The following MAGI3 variants were observed in gnomAD, a reference collection of about 807,000 sequenced individuals.
The protein encoded by MAGI3 is membrane associated guanylate kinase, WW and PDZ domain containing 3, also known as membrane-associated guanylate kinase, WW and PDZ domain-containing protein 3.
In MAGI3, 43 loss-of-function variants were observed where a neutral mutation model predicts 121.8. The observed-to-expected ratio is 0.35, with a 90% CI of 0.28 to 0.46. The LOEUF (loss-of-function observed/expected upper bound fraction) is 0.46, where lower values mean the gene tolerates loss of function less well. Ranked by LOEUF, MAGI3 falls within the 20% of genes least tolerant of loss-of-function variation. The pLI, the probability that MAGI3 is intolerant of heterozygous loss-of-function variation, is 1.00. For synonymous variants in MAGI3, 553 were observed against 639.3 expected, an observed-to-expected ratio of 0.86 and a Z score of 2.04; for missense variants, 1,547 against 1,797.3, an observed-to-expected ratio of 0.86 and a Z score of 2.52.
intron 1 of MAGI3, among the ~76,000 whole-genome samples, chr1:113,446,453 G>A (rs1004837767): frequency 9.2e-5 from 14 of 152,132 alleles, no homozygotes; most frequent in African/African-American, 3.4e-4. Context: ...TACAAAGAAG[G>A]CAGTAATGCA....
intron 1 of MAGI3, among the ~76,000 whole-genome samples, chr1:113,393,875 C>T (rs1377189181): frequency 2.6e-5 from 4 of 152,208 alleles, no homozygotes; most frequent in African/African-American, 9.6e-5. Context: ...TTAGCACTCT[C>T]TTGTCTTGAC....
At chr1:113,617,334 G>A (rs1650537491) in intron 7 of MAGI3, among the ~76,000 whole-genome samples, 1 of 152,102 alleles carries the variant, frequency 6.6e-6, no homozygotes, top group African/African-American at 2.4e-5. Context: ...CTGATAATCT[G>A]TAATATTCTC....
At chr1:113,438,321 T>G (rs777191004) in intron 1 of MAGI3, among the ~76,000 whole-genome samples, 4 of 152,188 alleles carry the variant, frequency 2.6e-5, no homozygotes, top group African/African-American at 4.8e-5. Flanking sequence ...TGCCTGAAAC[T>G]GGGCATAATA....
chr1:113,625,213 T>C (rs1279753515), intron 9 of MAGI3, among the ~76,000 whole-genome samples: 2 of 152,202 alleles, frequency 1.3e-5, no homozygotes, highest in Admixed American at 6.5e-5. Context: ...CAGAATTGTT[T>C]TTTCTATTTC....
intron 1 of MAGI3, among the ~76,000 whole-genome samples, chr1:113,445,363 A>C (rs780218714): frequency 2.0e-5 from 3 of 152,146 alleles, no homozygotes; most frequent in Non-Finnish European, 4.4e-5. Context: ...GCTACTCAGG[A>C]GGCTGAGGTG....
intron 1 of MAGI3, among the ~76,000 whole-genome samples, chr1:113,548,218 A>G (rs948823302): frequency 1.3e-5 from 2 of 152,170 alleles, no homozygotes; most frequent in African/African-American, 2.4e-5. Flanking sequence ...AAAATAATCT[A>G]TTTTGCCTTA....
rs2101503365 is a variant in MAGI3 at position 113,456,636 on chromosome 1, A to G, written c.316+65287A>G. Among the ~76,000 whole-genome samples, 3 of 152,364 alleles carry G rather than the reference A, an allele frequency of 2.0e-5. No homozygotes were observed. In the East Asian group the frequency reaches 5.8e-4, roughly 29 times the overall value. On this transcript the variant is annotated intron_variant, in intron 1 of 20. Coordinates refer to ENST00000307546, the MANE Select transcript of MAGI3 (RefSeq NM_001142782.2). ...GGTGAATATTAGATTAAAAATGAAAAACCACATGGTGATCTTAATGCCACA... is the reference window on the plus strand; with the variant it reads ...GGTGAATATTAGATTAAAAATGAAAGACCACATGGTGATCTTAATGCCACA...
At chr1:113,474,852 G>A (rs1655730900) in intron 1 of MAGI3, among the ~76,000 whole-genome samples, 1 of 152,156 alleles carries the variant, frequency 6.6e-6, no homozygotes, top group Non-Finnish European at 1.5e-5. Context: ...TTCACAATAT[G>A]GATTCTTCCT....
intron 1 of MAGI3, among the ~76,000 whole-genome samples, chr1:113,445,114 C>A (rs1444288528): frequency 6.6e-6 from 1 of 152,080 alleles, no homozygotes; most frequent in African/African-American, 2.4e-5. Context: ...CTGTGTGACA[C>A]TACCAAGTGG....
intron 9 of MAGI3, among the ~76,000 whole-genome samples, chr1:113,635,862 CTT>C (rs1272757279): frequency 1.3e-5 from 2 of 151,498 alleles, no homozygotes; most frequent in Non-Finnish European, 3.0e-5. Flanking sequence ...GTCCTGGACT[CTT>C]TTTGGTTGGT....
At chr1:113,653,283 C>T (rs1653275308) in intron 14 of MAGI3, among the ~76,000 whole-genome samples, 2 of 152,132 alleles carry the variant, frequency 1.3e-5, no homozygotes, top group African/African-American at 2.4e-5. Flanking sequence ...GGAACTAAAA[C>T]AGTTTTAGGA....
chr1:113,655,639 C>CTT (rs1050506908), intron 15 of MAGI3, among the ~76,000 whole-genome samples: 26 of 152,152 alleles, frequency 1.7e-4, no homozygotes, highest in Middle Eastern at 3.4e-3. Context: ...TACTTCATCT[C>CTT]TTTAAGATAG....
chr1:113,481,691 G>T (rs1656123246), intron 1 of MAGI3, among the ~76,000 whole-genome samples: 1 of 152,038 alleles, frequency 6.6e-6, no homozygotes, highest in South Asian at 2.1e-4. Context: ...TGTTTACCAT[G>T]CAATCCCATA....
At chr1:113,405,200 C>A (rs1268363534) in intron 1 of MAGI3, among the ~76,000 whole-genome samples, 1 of 152,058 alleles carries the variant, frequency 6.6e-6, no homozygotes, top group Non-Finnish European at 1.5e-5. Context: ...GATTGAAAGG[C>A]CAGATGTGGT....
Position 113,642,224 on chromosome 1 carries a change from T to C in MAGI3, c.1674T>C (p.Asp558=), listed in dbSNP as rs144980205. ...LTGDGLNGPS[D]ASEQRVSMAS... ...GTGATGGTCTCAATGGACCATCAGA[T>C]GCAAGTGAGCAGAGAGTATCCATGG... The change falls in exon 10 of 21, where the codon GAT becomes GAC. Residue 558 remains aspartate (D), a synonymous_variant. Transcript: ENST00000307546. 28 of 1,614,044 alleles carry C rather than the reference T, an allele frequency of 1.7e-5. No individual in the cohort carries two copies. The East Asian group carries it at 2.2e-4, about 13-fold the overall frequency.
At chr1:113,460,253 G>A (rs1654963830) in intron 1 of MAGI3, among the ~76,000 whole-genome samples, 1 of 152,130 alleles carries the variant, frequency 6.6e-6, no homozygotes, top group South Asian at 2.1e-4. Context: ...AATAAACTAG[G>A]TATTGAAGGA....
intron 1 of MAGI3, among the ~76,000 whole-genome samples, chr1:113,417,042 T>TA (rs1652486791): frequency 6.6e-6 from 1 of 152,100 alleles, no homozygotes; most frequent in Admixed American, 6.6e-5. Flanking sequence ...ACTTTTATTT[T>TA]AAAATTTCAT....
chr1:113,672,518 G>T, intron 17 of MAGI3, 97 bp from the exon 18 acceptor site: 1 of 1,366,754 alleles, frequency 7.3e-7, no homozygotes, highest in African/African-American at 1.5e-5. Flanking sequence ...AGGGAAAATG[G>T]CAAGGTCGAG....
At chr1:113,627,987 C>T (rs879236618) in intron 9 of MAGI3, among the ~76,000 whole-genome samples, 1 of 151,874 alleles carries the variant, frequency 6.6e-6, no homozygotes, top group South Asian at 2.1e-4. Flanking sequence ...TTCTCTATGT[C>T]TTTTGATTGG....
Sources: gnomAD v4.1 joint callset for allele counts (sites outside exome capture counted in the v4.1 genomes callset) on GRCh38, gnomAD v4.1.1 for gene constraint, MANE v1.5 for transcripts, NCBI Gene and HGNC (gene_info 2026-07-23, HGNC 2026-07-21) for gene names.